Variants in PNKD observed in about 807,000 individuals in gnomAD.
The protein encoded by PNKD is probable thioesterase PNKD.
In PNKD, 36 loss-of-function variants were observed where a neutral mutation model predicts 45.3. The observed-to-expected ratio is 0.80, with a 90% CI of 0.61 to 1.05. PNKD has a LOEUF of 1.05. Ranked by LOEUF, PNKD falls within the 50% of genes least tolerant of loss-of-function variation. The pLI, the probability that PNKD is intolerant of heterozygous loss-of-function variation, is 0.00. For missense variants in PNKD, 511 were observed against 506.6 expected, an observed-to-expected ratio of 1.01 and a Z score of -0.08; for synonymous variants, 197 against 210.1, an observed-to-expected ratio of 0.94 and a Z score of 0.54.
chr2:218,280,286 G>A, intron 2 of PNKD: 1 of 604,036 alleles, frequency 1.7e-6, no homozygotes, highest in East Asian at 2.9e-5. Flanking sequence ...GACACCCTCA[G>A]AGTGACCCAG....
At chr2:218,323,875 C>A (rs999778357) in intron 2 of PNKD, among the ~76,000 whole-genome samples, 2 of 152,192 alleles carry the variant, frequency 1.3e-5, no homozygotes, top group Non-Finnish European at 2.9e-5. Context: ...TTAAAACCGC[C>A]AACTCCTTTC....
chr2:218,334,215 G>T (rs933052938), intron 2 of PNKD, among the ~76,000 whole-genome samples: 1 of 151,932 alleles, frequency 6.6e-6, no homozygotes, highest in African/African-American at 2.4e-5. Context: ...GAATACTATC[G>T]TCTTTCATAA....
chr2:218,299,067 T>C (rs1223641868), intron 2 of PNKD, among the ~76,000 whole-genome samples: 1 of 152,158 alleles, frequency 6.6e-6, no homozygotes, highest in Non-Finnish European at 1.5e-5. Context: ...TGTGACCATA[T>C]CAGGATCAAC....
At chr2:218,332,054 G>T (rs1694341395) in intron 2 of PNKD, among the ~76,000 whole-genome samples, 1 of 152,218 alleles carries the variant, frequency 6.6e-6, no homozygotes, top group Admixed American at 6.5e-5. Flanking sequence ...TCAGTTTCCA[G>T]AAGGCCTGAC....
At chr2:218,277,387 G>C in intron 2 of PNKD, 1 of 1,614,124 alleles carries the variant, frequency 6.2e-7, no homozygotes, top group Non-Finnish European at 8.5e-7. Flanking sequence ...AGCAGAAGAT[G>C]GTGACTGAAA....
rs1206439035 is a variant in PNKD, at chr2:218,282,113, TATG to T, written c.236+10565_236+10567del. On this transcript the variant is annotated intron_variant, in intron 2 of 9. Coordinates refer to ENST00000273077, the MANE Select transcript of PNKD (RefSeq NM_015488.5). ...TGGGTACAGGGGGTTGCGGTCTTCA[TATG>T]GTGGTGGGGCGCTGGGGTTGGACAT... 3.3e-6 allele frequency: 5 copies of T among 1,538,022 alleles called. No individual in the cohort carries two copies. The East Asian group carries it at 9.7e-5, about 30-fold the overall frequency.
At chr2:218,330,779 C>A (rs1264393843) in intron 2 of PNKD, among the ~76,000 whole-genome samples, 2 of 152,234 alleles carry the variant, frequency 1.3e-5, no homozygotes, top group African/African-American at 4.8e-5. Flanking sequence ...CCAGCACCCC[C>A]AGATCATTCT....
At chr2:218,310,372 G>A (rs920048120) in intron 2 of PNKD, among the ~76,000 whole-genome samples, 8 of 151,030 alleles carry the variant, frequency 5.3e-5, no homozygotes, top group Non-Finnish European at 7.4e-5. Flanking sequence ...ACAGGCACCC[G>A]CCACCATGCC....
At chr2:218,296,766 C>T (rs1182239695) in intron 2 of PNKD, among the ~76,000 whole-genome samples, 1 of 152,122 alleles carries the variant, frequency 6.6e-6, no homozygotes, top group African/African-American at 2.4e-5. Flanking sequence ...GCAACCTCCG[C>T]CTCCTGGGTT....
At chr2:218,327,201 CT>C (rs1346654188) in intron 2 of PNKD, 2 of 152,280 alleles carry the variant, frequency 1.3e-5, no homozygotes, top group Non-Finnish European at 2.9e-5. Flanking sequence ...CAAGCCCCCT[CT>C]CCATTCCTAG....
At position 218,272,505 on chromosome 2, in the gene PNKD, C is replaced by A. The variant is rs1221656811; in HGVS notation, c.236+956C>A. On this transcript the variant is annotated intron_variant, in intron 2 of 9. Coordinates refer to ENST00000273077, the MANE Select transcript of PNKD (RefSeq NM_015488.5). ...GCAACTGATGAAGCTAGAATGACTCCCCCCAGCTCCTCTGGCTCAGGCTTG... is the reference window on the plus strand; with the variant it reads ...GCAACTGATGAAGCTAGAATGACTCACCCCAGCTCCTCTGGCTCAGGCTTG... 7.4e-6 allele frequency: 11 copies of A among 1,482,972 alleles called. No homozygotes were observed. In the East Asian group the frequency reaches 2.0e-4, roughly 27 times the overall value. The allele number at this position is 1,482,972 out of a possible 1,614,324, so 91.9% of individuals were successfully genotyped here.
At chr2:218,285,003 T>A (rs549344978) in intron 2 of PNKD, among the ~76,000 whole-genome samples, 49 of 152,168 alleles carry the variant, frequency 3.2e-4, no homozygotes, top group Admixed American at 4.6e-4. Flanking sequence ...GGCAGGAGAA[T>A]CGATTCAACC....
chr2:218,315,045 T>TTC (rs1693750954), intron 2 of PNKD, among the ~76,000 whole-genome samples: 1 of 61,962 alleles, frequency 1.6e-5, no homozygotes, highest in African/African-American at 4.5e-5. Flanking sequence ...TCTTTTTCTT[T>TTC]CTTTCTTTCT....
At chr2:218,272,569 G>C in intron 2 of PNKD, 1 of 1,613,716 alleles carries the variant, frequency 6.2e-7, no homozygotes. Flanking sequence ...CCCACCCGTA[G>C]GGCCATCGGC....
At chr2:218,314,002 A>C (rs1574689282) in intron 2 of PNKD, among the ~76,000 whole-genome samples, 1 of 140,750 alleles carries the variant, frequency 7.1e-6, no homozygotes, top group Non-Finnish European at 1.5e-5. Context: ...GCTCACCACA[A>C]CCTCCGCCTC....
intron 2 of PNKD, chr2:218,280,497 AAAG>A (rs1691795230): frequency 3.6e-6 from 1 of 278,832 alleles, no homozygotes; most frequent in Non-Finnish European, 7.1e-6. Context: ...GGGTAGGAGA[AAAG>A]GAGGGCGGCA....
At position 218,279,078 on chromosome 2, in the gene PNKD, C is replaced by T. The variant is rs144751225; in HGVS notation, c.236+7529C>T. The T allele has an allele frequency of 7.8e-5, 126 of 1,614,170 alleles. 2 individuals are homozygous for T. The South Asian group carries it at 8.9e-4, about 11-fold the overall frequency. On this transcript the variant is annotated intron_variant, in intron 2 of 9. Transcript: ENST00000273077. ...ACAGCCACATTTCTCCTCACAAAGGCGCTGACAGGTTCCCTGTGGGGCACA... is the reference window on the plus strand; with the variant it reads ...ACAGCCACATTTCTCCTCACAAAGGTGCTGACAGGTTCCCTGTGGGGCACA...
At chr2:218,316,032 C>T (rs1432466972) in intron 2 of PNKD, among the ~76,000 whole-genome samples, 1 of 152,210 alleles carries the variant, frequency 6.6e-6, no homozygotes, top group Non-Finnish European at 1.5e-5. Context: ...TGCCTTTCAT[C>T]TCCCTTAGAC....
intron 2 of PNKD, among the ~76,000 whole-genome samples, chr2:218,289,267 T>C (rs1361884602): frequency 1.3e-5 from 2 of 152,226 alleles, no homozygotes; most frequent in Non-Finnish European, 2.9e-5. Context: ...CCTGAAGTTC[T>C]TGTCCTGGCT....
Sources: allele counts gnomAD v4.1 joint callset (sites outside exome capture counted in the v4.1 genomes callset), GRCh38; gene constraint gnomAD v4.1.1; transcripts MANE v1.5; gene names NCBI Gene and HGNC (gene_info 2026-07-23, HGNC 2026-07-21).